Variants in TMEM131L observed in about 807,000 individuals in gnomAD.
TMEM131L encodes transmembrane 131 like.
In TMEM131L, 54 loss-of-function variants were observed where a neutral mutation model predicts 192.2. The ratio of observed to expected loss-of-function variants is 0.28; its 90% CI spans 0.23 to 0.35. The LOEUF is 0.35. TMEM131L is among the 10% of genes least tolerant of loss of function. The probability of loss-of-function intolerance (pLI) is 1.00; values close to 1 mark genes in which losing one functional copy is unlikely to be tolerated. For synonymous variants in TMEM131L, 701 were observed against 704.9 expected (o/e 0.99, Z 0.09); for missense variants, 1,888 against 1,972.9 (o/e 0.96, Z 0.82).
chr4:153,535,800 C>G (rs1736273444), intron 3 of TMEM131L, among the ~76,000 whole-genome samples: 1 of 152,116 alleles, frequency 6.6e-6, no homozygotes, highest in Non-Finnish European at 1.5e-5. Flanking sequence ...CTCATCCTAA[C>G]GTTGCTGTTA....
At chr4:153,589,044 G>GCTCC in intron 16 of TMEM131L, 37 bp downstream of exon 16, 1 of 1,106,758 alleles carries the variant, frequency 9.0e-7, no homozygotes, top group Non-Finnish European at 1.4e-6. Flanking sequence ...TTCGGTGGTG[G>GCTCC]GGAGACACTG....
At chr4:153,557,149 T>C in intron 6 of TMEM131L, 67 bp downstream of exon 6, 3 of 734,650 alleles carry the variant, frequency 4.1e-6, no homozygotes, top group Non-Finnish European at 4.8e-6. Context: ...TGTGTGTATA[T>C]TTTTAAAAAG....
At chr4:153,539,836 C>A (rs1355896974) in intron 3 of TMEM131L, among the ~76,000 whole-genome samples, 1 of 151,410 alleles carries the variant, frequency 6.6e-6, no homozygotes, top group Non-Finnish European at 1.5e-5. Flanking sequence ...CAGGGCCGGG[C>A]ACGGTGGCTT....
chr4:153,604,318 A>T lies in TMEM131L; in HGVS notation c.3306A>T (p.Glu1102Asp). The change falls in exon 25 of 35, where the codon GAA becomes GAT. Residue 1102 changes from glutamate (E) to aspartate (D), a missense_variant. Physicochemically the swap from Glu to Asp is conservative, Grantham distance 45 (BLOSUM62 2). Transcript: ENST00000409959. ...KTSENTAEFK[E>D]RELCPLKTSK... Reference sequence around the variant, plus strand: ...CAGAGAACACAGCCGAGTTCAAGGAACGGGAGCTCTGTCCACTGAAGACCT... The same window carrying T: ...CAGAGAACACAGCCGAGTTCAAGGATCGGGAGCTCTGTCCACTGAAGACCT... 1.2e-6 allele frequency: 2 copies of T among 1,614,166 alleles called. No homozygotes were observed. The highest frequency in any genetic ancestry group is 2.2e-5 in the South Asian group (2 of 91,076).
At chr4:153,567,614 G>T (rs533682534) in intron 7 of TMEM131L, among the ~76,000 whole-genome samples, 1 of 150,742 alleles carries the variant, frequency 6.6e-6, no homozygotes, top group Admixed American at 6.6e-5. Flanking sequence ...GCACGATCTC[G>T]GCTCACTGCA....
At chr4:153,633,605 T>C (rs1578915664) in intron 32 of TMEM131L, among the ~76,000 whole-genome samples, 1 of 152,350 alleles carries the variant, frequency 6.6e-6, no homozygotes, top group African/African-American at 2.4e-5. Flanking sequence ...TCAAATTTGC[T>C]ATTTGACATT....
chr4:153,468,842 A>G (rs975693027), intron 2 of TMEM131L, among the ~76,000 whole-genome samples: 7 of 151,508 alleles, frequency 4.6e-5, no homozygotes, highest in Non-Finnish European at 1.0e-4. Context: ...GCACTGGTGT[A>G]TATCTATGTA....
At chr4:153,602,874 G>GT (rs1731943834) in intron 23 of TMEM131L, 147 bp downstream of exon 23, 1 of 722,980 alleles carries the variant, frequency 1.4e-6, no homozygotes, top group Non-Finnish European at 2.3e-6. Context: ...CATCCATGAA[G>GT]TATTCACTGG....
At chr4:153,524,417 A>T (rs756373663) in intron 3 of TMEM131L, among the ~76,000 whole-genome samples, 1 of 152,240 alleles carries the variant, frequency 6.6e-6, no homozygotes, top group Non-Finnish European at 1.5e-5. Context: ...CAAAAAGAAA[A>T]ATAGTTGCTA....
chr4:153,546,210 G>T (rs1737163245), intron 3 of TMEM131L, among the ~76,000 whole-genome samples: 1 of 149,438 alleles, frequency 6.7e-6, no homozygotes, highest in Non-Finnish European at 1.5e-5. Flanking sequence ...CTTTTAACTA[G>T]GAGCTTTTTT....
At chr4:153,549,434 T>C (rs1737438654) in intron 3 of TMEM131L, among the ~76,000 whole-genome samples, 1 of 152,266 alleles carries the variant, frequency 6.6e-6, no homozygotes, top group Non-Finnish European at 1.5e-5. Flanking sequence ...TTTTATGTTT[T>C]TAAGTATGTT....
At chr4:153,566,551 G>GTC (rs766054219) in intron 7 of TMEM131L, among the ~76,000 whole-genome samples, 2 of 149,180 alleles carry the variant, frequency 1.3e-5, no homozygotes, top group African/African-American at 2.6e-5. Context: ...GTGTGTGTGT[G>GTC]TCTCAACATA....
Position 153,555,984 on chromosome 4 carries a change from TTTTTA to T in TMEM131L, c.432+75_432+79del, listed in dbSNP as rs1561188542. The T allele has an allele frequency of 2.7e-6, 4 of 1,474,396 alleles. No homozygotes were observed. In the African/African-American group the frequency reaches 5.7e-5, roughly 21 times the overall value. The allele number at this position is 1,474,396 out of a possible 1,614,324, so 91.3% of individuals were successfully genotyped here. A position where few individuals can be genotyped will look rare whatever the true frequency, so the allele number is the denominator to read the frequency against. ...TTTTCTTGCTTTCTTTGGCCTGAAG[TTTTTA>T]CTTTCTGCTCCCTGTCTCCCGCTTT... is the stretch of plus-strand genomic sequence containing the variant. On this transcript the variant is annotated intron_variant, in intron 5 of 34. Transcript: ENST00000409959. The surrounding 1 kb of genome is among the most constrained non-coding windows in gnomAD (Gnocchi z 4.1).
intron 3 of TMEM131L, among the ~76,000 whole-genome samples, chr4:153,532,471 A>G (rs901443044): frequency 2.0e-5 from 3 of 151,634 alleles, no homozygotes; most frequent in Non-Finnish European, 2.9e-5. Flanking sequence ...CTTTATTGAG[A>G]TACAATTCAC....
intron 3 of TMEM131L, among the ~76,000 whole-genome samples, chr4:153,478,732 T>C (rs1225498104): frequency 1.3e-5 from 2 of 152,254 alleles, no homozygotes; most frequent in Non-Finnish European, 2.9e-5. Flanking sequence ...TACTTTGGGT[T>C]ATAATCCAAT....
intron 25 of TMEM131L, among the ~76,000 whole-genome samples, chr4:153,605,410 C>T (rs1488445651): frequency 6.6e-6 from 1 of 152,238 alleles, no homozygotes; most frequent in Non-Finnish European, 1.5e-5. Flanking sequence ...CTCTATCACC[C>T]AGGTTGGACT....
chr4:153,575,921 TAG>T (rs1729906123), intron 7 of TMEM131L, among the ~76,000 whole-genome samples: 1 of 152,074 alleles, frequency 6.6e-6, no homozygotes, highest in Non-Finnish European at 1.5e-5. Context: ...ACATTTTGGT[TAG>T]AGTTTCTTTT....
At chr4:153,631,619 T>C (rs2126892454) in intron 31 of TMEM131L, among the ~76,000 whole-genome samples, 1 of 152,326 alleles carries the variant, frequency 6.6e-6, no homozygotes, top group South Asian at 2.1e-4. Context: ...AGCAAACATC[T>C]ATGAAAAGAT....
intron 3 of TMEM131L, among the ~76,000 whole-genome samples, chr4:153,519,508 T>G (rs1196259260): frequency 6.6e-6 from 1 of 152,222 alleles, no homozygotes; most frequent in African/African-American, 2.4e-5. Flanking sequence ...TTTGAGCTGC[T>G]ACAGTAGTTT....
Sources: gnomAD v4.1 joint callset for allele counts (sites outside exome capture counted in the v4.1 genomes callset) on GRCh38, gnomAD v4.1.1 for gene constraint, Gnocchi (gnomAD v3.1) non-coding constraint, MANE v1.5 for transcripts, NCBI Gene and HGNC (gene_info 2026-07-23, HGNC 2026-07-21) for gene names.